Variants in XXYLT1 observed in about 807,000 individuals in gnomAD.
The protein encoded by XXYLT1 is xyloside xylosyltransferase 1.
A neutral mutation model predicts 28.9 loss-of-function variants in XXYLT1; 20 were observed. That is an observed-to-expected ratio of 0.69 (90% CI 0.49 to 1.00). XXYLT1 has a LOEUF of 1.00. XXYLT1 is among the 50% of genes least tolerant of loss of function. The pLI, the probability that XXYLT1 is intolerant of heterozygous loss-of-function variation, is 0.00. For synonymous variants in XXYLT1, 257 were observed against 253.8 expected (o/e 1.01, Z -0.12); for missense variants, 542 against 560.1 (o/e 0.97, Z 0.33).
At chr3:195,254,793 C>T (rs142888271) in intron 1 of XXYLT1, among the ~76,000 whole-genome samples, 73 of 152,352 alleles carry the variant, frequency 4.8e-4, no homozygotes, top group Non-Finnish European at 7.8e-4. Context: ...CAAACAGCTG[C>T]GCTGTGCACA....
Position 195,069,885 on chromosome 3 carries a change from C to T in XXYLT1, c.1012G>A (p.Gly338Ser), listed in dbSNP as rs771795560. Residue 338 changes from glycine to serine, a missense_variant, in exon 4 of 4, where the codon GGC becomes AGC. Coordinates refer to ENST00000310380, the MANE Select transcript of XXYLT1 (RefSeq NM_152531.5). ...TGGAAGAGCTTGGGGTGCTCCATGC[C>T]GATCATGGTGAAGAAGTCCTGGTCC... is the stretch of plus-strand genomic sequence containing the variant. Reference protein sequence around the residue: ...LGDQDFFTMIGMEHPKLFHVL... With the variant: ...LGDQDFFTMISMEHPKLFHVL... The T allele has an allele frequency of 6.2e-6, 10 of 1,614,072 alleles. No individual in the cohort carries two copies. Among genetic ancestry groups the T allele is most frequent in the South Asian group, 3.3e-5 (3 of 91,080 alleles).
intron 2 of XXYLT1, among the ~76,000 whole-genome samples, chr3:195,225,463 T>C (rs1407137293): frequency 1.3e-5 from 2 of 152,188 alleles, no homozygotes; most frequent in Non-Finnish European, 2.9e-5. Context: ...TTTTCACTTC[T>C]GGTCTGCTGG....
rs1008860292 is a variant in XXYLT1 at position 195,240,897 on chromosome 3, G to A, written c.505-14041C>T. Among the ~76,000 whole-genome samples, 1 of 152,222 alleles carries A rather than the reference G, an allele frequency of 6.6e-6. No homozygotes were observed. Among genetic ancestry groups the A allele is most frequent in the Non-Finnish European group, 1.5e-5 (1 of 68,036 alleles). On this transcript the variant is annotated intron_variant, in intron 1 of 3. Transcript: ENST00000310380. This position sits in a 1 kb window ranked among gnomAD's most constrained non-coding sequence, Gnocchi z 4.7. ...GCTGAGATTGTGCCACTGCACTCCT[G>A]CCTGGGCAACAGAGCAAGACTCCAT... is the stretch of plus-strand genomic sequence containing the variant.
At chr3:195,174,432 G>A (rs1053028247) in intron 2 of XXYLT1, among the ~76,000 whole-genome samples, 6 of 152,092 alleles carry the variant, frequency 3.9e-5, no homozygotes, top group Admixed American at 1.3e-4. Flanking sequence ...TTGATTTCCC[G>A]GGCTCAAGTG....
intron 3 of XXYLT1, among the ~76,000 whole-genome samples, chr3:195,105,665 T>C (rs1717041526): frequency 6.6e-6 from 1 of 152,160 alleles, no homozygotes; most frequent in South Asian, 2.1e-4. Context: ...CGCCTCCGCG[T>C]CCACTCACGG....
chr3:195,140,578 A>C (rs1577069899), intron 3 of XXYLT1, among the ~76,000 whole-genome samples: 1 of 152,220 alleles, frequency 6.6e-6, no homozygotes, highest in Non-Finnish European at 1.5e-5. Context: ...CAGAAAACTC[A>C]CAATCATGGT....
chr3:195,207,386 T>C lies in XXYLT1; in HGVS notation c.652+19323A>G. Reference sequence around the variant, plus strand: ...CTTCTTCAACAGAGGGTTTGGAGGTTCTCAGGCAACAGGAAAACAGTGACT... The same window carrying C: ...CTTCTTCAACAGAGGGTTTGGAGGTCCTCAGGCAACAGGAAAACAGTGACT... On this transcript the variant is annotated intron_variant, in intron 2 of 3. Transcript: ENST00000310380. 4.5e-6 allele frequency: 2 copies of C among 444,476 alleles called. 1 individual carries two copies. Among genetic ancestry groups the C allele is most frequent in the South Asian group, 3.2e-5 (2 of 62,390 alleles). The allele number at this position is 444,476 out of a possible 1,614,324, so 27.5% of individuals were successfully genotyped here. A position where few individuals can be genotyped will look rare whatever the true frequency, so the allele number is the denominator to read the frequency against.
chr3:195,086,750 A>G (rs1240441915), intron 3 of XXYLT1, among the ~76,000 whole-genome samples: 1 of 152,060 alleles, frequency 6.6e-6, no homozygotes, highest in East Asian at 1.9e-4. Context: ...GGCAGTGCCA[A>G]GGATGGAGAC....
intron 3 of XXYLT1, among the ~76,000 whole-genome samples, chr3:195,110,294 C>T (rs1383190699): frequency 0.015 from 25 of 1,616 alleles, 2 homozygotes; most frequent in South Asian, 0.067. Flanking sequence ...TGTATGTGTG[C>T]GTGTGTGGTA....
At chr3:195,116,861 G>C (rs907543464) in intron 3 of XXYLT1, among the ~76,000 whole-genome samples, 1 of 152,098 alleles carries the variant, frequency 6.6e-6, no homozygotes, top group African/African-American at 2.4e-5. Context: ...ACAGGTGATT[G>C]GGGGAAGAGC....
At chr3:195,262,330 G>A (rs761403336) in intron 1 of XXYLT1, among the ~76,000 whole-genome samples, 1 of 152,188 alleles carries the variant, frequency 6.6e-6, no homozygotes, top group Non-Finnish European at 1.5e-5. Context: ...GGGCAGGGGA[G>A]ACAGGAGGAC....
intron 3 of XXYLT1, among the ~76,000 whole-genome samples, chr3:195,104,923 A>G (rs1318085430): frequency 1.3e-5 from 2 of 152,212 alleles, no homozygotes; most frequent in Non-Finnish European, 2.9e-5. Context: ...AAGTCTAGCT[A>G]CAAGCCAGAA....
intron 2 of XXYLT1, among the ~76,000 whole-genome samples, chr3:195,175,096 CTT>C (rs1032868724): frequency 2.0e-5 from 3 of 152,186 alleles, no homozygotes; most frequent in African/African-American, 7.2e-5. Flanking sequence ...ATTTAAGAAA[CTT>C]AGAGCAACGA....
At chr3:195,110,322 G>A (rs1717522040) in intron 3 of XXYLT1, among the ~76,000 whole-genome samples, 1 of 16,110 alleles carries the variant, frequency 6.2e-5, no homozygotes, top group Non-Finnish European at 1.3e-4. Context: ...GTGTGGGTGA[G>A]GGTGAGGTGT....
intron 1 of XXYLT1, among the ~76,000 whole-genome samples, chr3:195,259,232 A>T (rs1725588776): frequency 6.6e-6 from 1 of 152,242 alleles, no homozygotes; most frequent in Non-Finnish European, 1.5e-5. Context: ...CTAATAAATA[A>T]AACCAATGGC....
intron 3 of XXYLT1, among the ~76,000 whole-genome samples, chr3:195,088,156 G>T (rs537464706): frequency 8.9e-6 from 1 of 112,434 alleles, no homozygotes; most frequent in Non-Finnish European, 2.0e-5. Flanking sequence ...AAAGCAGCCG[G>T]GAAGCTCGAA....
intron 2 of XXYLT1, chr3:195,207,289 G>A: frequency 3.4e-5 from 12 of 353,768 alleles, no homozygotes; most frequent in South Asian, 2.5e-4. Flanking sequence ...CCAGGCCCGG[G>A]AGACTCAGCT....
At chr3:195,110,317 G>GTGTGGTGTATGTGT (rs748914872) in intron 3 of XXYLT1, among the ~76,000 whole-genome samples, 2,539 of 5,602 alleles carry the variant, frequency 0.45, 114 homozygotes, top group Non-Finnish European at 0.47. Context: ...TGTGTGTGTG[G>GTGTGGTGTATGTGT]GTGAGGGTGA....
intron 1 of XXYLT1, among the ~76,000 whole-genome samples, chr3:195,251,651 C>T (rs1725260228): frequency 1.3e-5 from 2 of 152,176 alleles, no homozygotes; most frequent in South Asian, 4.1e-4. Flanking sequence ...CACAAAGGAG[C>T]CACGCAGGTC....
Sources: allele counts gnomAD v4.1 joint callset (sites outside exome capture counted in the v4.1 genomes callset), GRCh38; gene constraint gnomAD v4.1.1; non-coding constraint Gnocchi (gnomAD v3.1); transcripts MANE v1.5; gene names NCBI Gene and HGNC (gene_info 2026-07-23, HGNC 2026-07-21).